Variants in ADAMTS17 observed in about 807,000 individuals in gnomAD.
The protein encoded by ADAMTS17 is ADAM metallopeptidase with thrombospondin type 1 motif 17.
ADAMTS17 carries 113 observed loss-of-function variants against 141.5 expected under a neutral mutation model. The ratio of observed to expected loss-of-function variants is 0.80; its 90% CI spans 0.69 to 0.93. ADAMTS17 has a LOEUF of 0.93. Ranked by LOEUF, ADAMTS17 falls within the 40% of genes least tolerant of loss-of-function variation. ADAMTS17 has a pLI of 0.00. For synonymous variants in ADAMTS17, 768 were observed against 630.6 expected, an observed-to-expected ratio of 1.22 and a Z score of -3.27; for missense variants, 1,659 against 1,517.9, an observed-to-expected ratio of 1.09 and a Z score of -1.54.
chr15:100,228,364 C>T (rs1278015877), intron 7 of ADAMTS17, among the ~76,000 whole-genome samples: 1 of 152,198 alleles, frequency 6.6e-6, no homozygotes, highest in Non-Finnish European at 1.5e-5. Context: ...TCTGATTAGA[C>T]TGTAAGTGTT....
intron 14 of ADAMTS17, among the ~76,000 whole-genome samples, chr15:100,103,839 G>A (rs1364897872): frequency 3.3e-5 from 5 of 152,190 alleles, no homozygotes; most frequent in Non-Finnish European, 7.3e-5. Flanking sequence ...GCCTCTCAAA[G>A]TGTTGGGATT....
intron 7 of ADAMTS17, among the ~76,000 whole-genome samples, chr15:100,223,348 T>G (rs1448654513): frequency 1.3e-5 from 2 of 152,190 alleles, no homozygotes; most frequent in East Asian, 1.9e-4. Context: ...TTTTCAGTAT[T>G]AGAAGACTAA....
At chr15:100,023,621 T>C (rs1384814939) in intron 18 of ADAMTS17, among the ~76,000 whole-genome samples, 1 of 152,164 alleles carries the variant, frequency 6.6e-6, no homozygotes, top group Admixed American at 6.5e-5. Context: ...CCTGGTCACA[T>C]CTTGCTGTGG....
At position 99,997,428 on chromosome 15, in the gene ADAMTS17, C is replaced by A. The variant is rs747817058; in HGVS notation, c.2753G>T (p.Gly918Val). 2 of 1,613,626 alleles carry A rather than the reference C, an allele frequency of 1.2e-6. No individual in the cohort carries two copies. Among genetic ancestry groups the A allele is most frequent in the Admixed American group, 1.7e-5 (1 of 60,010 alleles). Residue 918 changes from glycine to valine, a missense_variant, in exon 19 of 22, where the codon GGC becomes GTC. Physicochemically the swap from Gly to Val is moderately radical, Grantham distance 109. Transcript: ENST00000268070. This position sits in a 1 kb window ranked among gnomAD's most constrained non-coding sequence, Gnocchi z 4.7. ...PRPAAVQSCE[G>V]QDCLSIWEAS... is the part of the protein sequence containing the mutation. ...CTCCCAGATGGACAGGCAGTCCTGGCCTTCACAGCTCTGCACTGCCGCCGG... is the reference window on the plus strand; with the variant it reads ...CTCCCAGATGGACAGGCAGTCCTGGACTTCACAGCTCTGCACTGCCGCCGG...
chr15:100,086,699 G>A (rs866515304), intron 15 of ADAMTS17, among the ~76,000 whole-genome samples: 24 of 150,804 alleles, frequency 1.6e-4, no homozygotes, highest in Middle Eastern at 3.4e-3. Flanking sequence ...ACTCAAAACC[G>A]CTCAACTACA....
At position 100,266,693 on chromosome 15, in the gene ADAMTS17, G is replaced by C. The variant is rs2043728329; in HGVS notation, c.790-4258C>G. Among the ~76,000 whole-genome samples the C allele has an allele frequency of 2.0e-5, 3 of 152,140 alleles. 1 individual carries two copies. The South Asian group carries it at 6.2e-4, about 31-fold the overall frequency. On this transcript the variant is annotated intron_variant, in intron 4 of 21. Transcript: ENST00000268070. ...ATGCCAGCCTGACCACCACTGGCTGGTTGCTTATGTTGGCTTAACACCTTC... is the reference window on the plus strand; with the variant it reads ...ATGCCAGCCTGACCACCACTGGCTGCTTGCTTATGTTGGCTTAACACCTTC...
At chr15:100,296,967 T>C (rs1228552112) in intron 3 of ADAMTS17, among the ~76,000 whole-genome samples, 1 of 152,238 alleles carries the variant, frequency 6.6e-6, no homozygotes, top group East Asian at 1.9e-4. Flanking sequence ...TTAAACATTC[T>C]ACATGTGACA....
rs79310051 is a variant in ADAMTS17, at chr15:100,187,624, A to G, written c.1181+11694T>C. ...TCTGGTCTTCCAGGCCATGGGTAATAATATAACAAATGTGGAAACAGAAAA... is the reference window on the plus strand; with the variant it reads ...TCTGGTCTTCCAGGCCATGGGTAATGATATAACAAATGTGGAAACAGAAAA... On this transcript the variant is annotated intron_variant, in intron 8 of 21. Transcript: ENST00000268070. Among the ~76,000 whole-genome samples the G allele has an allele frequency of 6.2e-3, 945 of 152,296 alleles. 12 individuals carry two copies. The highest frequency in any genetic ancestry group is 0.021 in the African/African-American group (882 of 41,550).
intron 6 of ADAMTS17, among the ~76,000 whole-genome samples, chr15:100,254,765 G>A (rs187960002): frequency 3.5e-4 from 54 of 152,318 alleles, no homozygotes; most frequent in Non-Finnish European, 6.3e-4. Flanking sequence ...AACACCACAT[G>A]TCCTCACTTG....
chr15:99,978,017 C>T (rs908769962), intron 20 of ADAMTS17, among the ~76,000 whole-genome samples: 8 of 152,146 alleles, frequency 5.3e-5, no homozygotes, highest in African/African-American at 1.4e-4. Context: ...GGGAGCAGGG[C>T]GTGGAGGGTT....
At chr15:100,118,267 A>G (rs925840647) in intron 12 of ADAMTS17, among the ~76,000 whole-genome samples, 3 of 152,250 alleles carry the variant, frequency 2.0e-5, no homozygotes, top group Non-Finnish European at 4.4e-5. Flanking sequence ...AAAACTTTAT[A>G]AACACCTGGT....
chr15:100,084,332 C>A (rs2034951560), intron 15 of ADAMTS17, among the ~76,000 whole-genome samples: 1 of 152,210 alleles, frequency 6.6e-6, no homozygotes. Flanking sequence ...AGTAGGTAAA[C>A]AAAGCCGCCG....
At chr15:100,257,420 G>C (rs2043363958) in intron 6 of ADAMTS17, among the ~76,000 whole-genome samples, 1 of 152,244 alleles carries the variant, frequency 6.6e-6, no homozygotes, top group African/African-American at 2.4e-5. Flanking sequence ...CCAGAAGACG[G>C]GACGTGCACT....
Position 99,993,302 on chromosome 15 carries a change from T to C in ADAMTS17, c.2797-102A>G, listed in dbSNP as rs1596176518. On this transcript the variant is annotated intron_variant, in intron 19 of 21. Coordinates refer to ENST00000268070, the MANE Select transcript of ADAMTS17 (RefSeq NM_139057.4). The surrounding 1 kb of genome is among the most constrained non-coding windows in gnomAD (Gnocchi z 4.3). ...TGTGCCAGGTGCGGTGTGGGGATGA[T>C]ACAAAGATGAAAACCCACACTTCTG... 1.4e-5 allele frequency: 21 copies of C among 1,505,072 alleles called. No individual in the cohort carries two copies. In the East Asian group the frequency reaches 4.5e-4, roughly 32 times the overall value. The allele number at this position is 1,505,072 out of a possible 1,614,324, so 93.2% of individuals were successfully genotyped here.
chr15:99,993,193 G>T lies in ADAMTS17; in HGVS notation c.2804C>A (p.Ala935Asp), dbSNP rs752703218. Residue 935 changes from alanine (A) to aspartate (D), a missense_variant, in exon 20 of 22, where the codon GCC becomes GAC. Coordinates refer to ENST00000268070, the MANE Select transcript of ADAMTS17 (RefSeq NM_139057.4). The surrounding 1 kb of genome is among the most constrained non-coding windows in gnomAD (Gnocchi z 4.3). ...TTTCCACACCCCTTTACCACAGCTGGCAGAGCACTGCAAGACACCATTCAA... is the reference window on the plus strand; with the variant it reads ...TTTCCACACCCCTTTACCACAGCTGTCAGAGCACTGCAAGACACCATTCAA... The part of the protein sequence containing the change: ...WEASEWSQCS[A>D]SCGKGVWKRT... 13 of 1,613,982 alleles carry T rather than the reference G, an allele frequency of 8.1e-6. No homozygotes were observed. The highest frequency in any genetic ancestry group is 9.3e-6 in the Non-Finnish European group (11 of 1,180,040).
chr15:100,237,920 C>T (rs1261127615), intron 7 of ADAMTS17, among the ~76,000 whole-genome samples: 1 of 152,150 alleles, frequency 6.6e-6, no homozygotes, highest in Non-Finnish European at 1.5e-5. Context: ...CCACTGTGCC[C>T]GGCCAACACT....
intron 7 of ADAMTS17, among the ~76,000 whole-genome samples, chr15:100,216,447 C>A (rs376420516): frequency 4.6e-5 from 7 of 152,174 alleles, no homozygotes; most frequent in Non-Finnish European, 7.3e-5. Context: ...GAGCTGGGGA[C>A]TGGGAAAACA....
intron 3 of ADAMTS17, among the ~76,000 whole-genome samples, chr15:100,291,555 A>G (rs1477204550): frequency 6.6e-6 from 1 of 152,234 alleles, no homozygotes; most frequent in Non-Finnish European, 1.5e-5. Context: ...TGTTCATCAC[A>G]GCACGATTCA....
chr15:100,124,462 G>C (rs1438856939), intron 12 of ADAMTS17, among the ~76,000 whole-genome samples: 1 of 152,238 alleles, frequency 6.6e-6, no homozygotes, highest in Non-Finnish European at 1.5e-5. Context: ...AAACCAGAGA[G>C]AATTACTGAC....
Sources: allele counts gnomAD v4.1 joint callset (sites outside exome capture counted in the v4.1 genomes callset), GRCh38; gene constraint gnomAD v4.1.1; non-coding constraint Gnocchi (gnomAD v3.1); transcripts MANE v1.5; gene names NCBI Gene and HGNC (gene_info 2026-07-23, HGNC 2026-07-21).